The following THSD7B variants were observed in gnomAD, a reference collection of about 807,000 sequenced individuals.
THSD7B encodes thrombospondin type-1 domain-containing protein 7B.
In THSD7B, 138 loss-of-function variants were observed where a neutral mutation model predicts 213.6. The ratio of observed to expected loss-of-function variants is 0.65; its 90% CI spans 0.56 to 0.74. The LOEUF is 0.74. Ranked by LOEUF, THSD7B falls within the 30% of genes least tolerant of loss-of-function variation. THSD7B has a pLI of 0.00. For missense variants in THSD7B, 1,931 were observed against 1,991.5 expected, an observed-to-expected ratio of 0.97 and a Z score of 0.58; for synonymous variants, 742 against 687.0, an observed-to-expected ratio of 1.08 and a Z score of -1.25.
At chr2:137,297,968 G>A (rs1413674130) in intron 12 of THSD7B, among the ~76,000 whole-genome samples, 1 of 152,116 alleles carries the variant, frequency 6.6e-6, no homozygotes, top group East Asian at 1.9e-4. Context: ...CAGTAGAGTG[G>A]GGCATTGTTG....
At chr2:136,993,060 G>C (rs1263688996) in intron 2 of THSD7B, among the ~76,000 whole-genome samples, 2 of 152,194 alleles carry the variant, frequency 1.3e-5, no homozygotes, top group Non-Finnish European at 2.9e-5. Context: ...GTCAAGTGAT[G>C]AGCAAAATGA....
At chr2:137,299,768 G>C (rs1683556938) in intron 12 of THSD7B, among the ~76,000 whole-genome samples, 1 of 152,110 alleles carries the variant, frequency 6.6e-6, no homozygotes, top group East Asian at 1.9e-4. Context: ...TTTTAACTAT[G>C]AATAGTTGCT....
intron 2 of THSD7B, among the ~76,000 whole-genome samples, chr2:136,936,977 AATG>A (rs1684745271): frequency 6.6e-6 from 1 of 152,140 alleles, no homozygotes; most frequent in African/African-American, 2.4e-5. Context: ...AAAAAGATAT[AATG>A]ATAAAAAATT....
intron 15 of THSD7B, among the ~76,000 whole-genome samples, chr2:137,491,196 A>C (rs531444319): frequency 2.7e-4 from 41 of 152,316 alleles, no homozygotes; most frequent in African/African-American, 9.9e-4. Context: ...CTTGAAGGAA[A>C]CACGTCTCCC....
At chr2:137,641,511 C>G (rs1414834254) in intron 20 of THSD7B, among the ~76,000 whole-genome samples, 2 of 152,172 alleles carry the variant, frequency 1.3e-5, no homozygotes, top group African/African-American at 4.8e-5. Context: ...GGAAGTCCAC[C>G]ATATTCACAA....
chr2:137,438,086 C>T (rs1192686695), intron 14 of THSD7B, among the ~76,000 whole-genome samples: 1 of 152,114 alleles, frequency 6.6e-6, no homozygotes, highest in Admixed American at 6.5e-5. Context: ...AAATGGCTAA[C>T]CTCTTGTTCC....
At chr2:137,332,765 G>A (rs536559815) in intron 12 of THSD7B, among the ~76,000 whole-genome samples, 1 of 152,246 alleles carries the variant, frequency 6.6e-6, no homozygotes, top group African/African-American at 2.4e-5. Context: ...CACAAGATCT[G>A]ATGCTTTTAT....
intron 10 of THSD7B, among the ~76,000 whole-genome samples, chr2:137,252,186 G>A (rs1366331042): frequency 1.4e-5 from 2 of 138,208 alleles, no homozygotes; most frequent in African/African-American, 5.4e-5. Context: ...AGAATCGCTT[G>A]AACCCGGGAG....
chr2:137,554,396 G>T (rs1177455499), intron 15 of THSD7B, among the ~76,000 whole-genome samples: 1 of 152,166 alleles, frequency 6.6e-6, no homozygotes, highest in African/African-American at 2.4e-5. Flanking sequence ...AATGCTGACA[G>T]TTCAAGTGTA....
intron 27 of THSD7B, among the ~76,000 whole-genome samples, chr2:137,675,535 A>C (rs1683680864): frequency 6.6e-6 from 1 of 151,052 alleles, no homozygotes; most frequent in African/African-American, 2.4e-5. Flanking sequence ...TCAGTGACCT[A>C]AGGGAAGGTA....
At chr2:136,971,804 A>G (rs1017273619) in intron 2 of THSD7B, among the ~76,000 whole-genome samples, 4 of 152,074 alleles carry the variant, frequency 2.6e-5, no homozygotes, top group African/African-American at 9.7e-5. Context: ...TTTAAATTTA[A>G]ATTTTATATC....
chr2:136,990,175 T>C (rs189868097), intron 2 of THSD7B, among the ~76,000 whole-genome samples: 1 of 152,248 alleles, frequency 6.6e-6, no homozygotes, highest in Non-Finnish European at 1.5e-5. Flanking sequence ...ATACATGTAG[T>C]TAACGGCGGA....
chr2:137,353,428 G>A (rs865954804), intron 12 of THSD7B, among the ~76,000 whole-genome samples: 69 of 152,044 alleles, frequency 4.5e-4, no homozygotes, highest in African/African-American at 1.5e-3. Flanking sequence ...TAGCTTCCCC[G>A]TGTATCCTTC....
intron 4 of THSD7B, among the ~76,000 whole-genome samples, chr2:137,097,769 GACACACACACACACACACACAC>G (rs3050089): frequency 7.1e-6 from 1 of 141,350 alleles, no homozygotes; most frequent in Non-Finnish European, 1.5e-5. Flanking sequence ...CGCTAAGTTT[GACACACACACACACACACACAC>G]ACACACACAC....
intron 9 of THSD7B, among the ~76,000 whole-genome samples, chr2:137,240,667 T>A (rs1177884075): frequency 1.3e-5 from 2 of 152,128 alleles, no homozygotes; most frequent in African/African-American, 4.8e-5. Flanking sequence ...TGTACCCCCA[T>A]GCCCAGCTAA....
intron 12 of THSD7B, among the ~76,000 whole-genome samples, chr2:137,403,787 A>G (rs1163228912): frequency 3.3e-5 from 5 of 152,220 alleles, no homozygotes; most frequent in Admixed American, 3.3e-4. Context: ...TTTTGCCCCC[A>G]AGGGAACATT....
intron 1 of THSD7B, among the ~76,000 whole-genome samples, chr2:136,772,130 C>T (rs1290847467): frequency 8.8e-6 from 1 of 113,744 alleles, no homozygotes; most frequent in African/African-American, 2.6e-5. Context: ...AGATGTGTAT[C>T]CCAGATTGTT....
At chr2:136,919,265 G>A (rs1432772742) in intron 2 of THSD7B, among the ~76,000 whole-genome samples, 2 of 152,146 alleles carry the variant, frequency 1.3e-5, no homozygotes, top group African/African-American at 2.4e-5. Context: ...GTAATATCAC[G>A]GAGTATATTT....
At position 137,546,372 on chromosome 2, in the gene THSD7B, AT is replaced by A. The variant is rs1343687329; in HGVS notation, c.3139-16848del. Among the ~76,000 whole-genome samples the A allele has an allele frequency of 1.5e-4, 8 of 54,770 alleles. 2 individuals carry two copies. Among genetic ancestry groups the A allele is most frequent in the African/African-American group, 7.0e-4 (8 of 11,380 alleles). 35.9% of individuals were successfully genotyped at this position (54,770 alleles called of 152,430 possible). A position where few individuals can be genotyped will look rare whatever the true frequency, so the allele number is the denominator to read the frequency against. The stretch of plus-strand genomic sequence containing the variant: ...CAGCATATATATATATTATATATAT[AT>A]ATAATATATATATTATATATATTAT... On this transcript the variant is annotated intron_variant, in intron 15 of 27. Coordinates refer to ENST00000409968, the MANE Select transcript of THSD7B (RefSeq NM_001316349.2).
Sources: allele counts gnomAD v4.1 joint callset (sites outside exome capture counted in the v4.1 genomes callset), GRCh38; gene constraint gnomAD v4.1.1; transcripts MANE v1.5; gene names NCBI Gene and HGNC (gene_info 2026-07-23, HGNC 2026-07-21).